The following ATXN7L1 variants were observed in gnomAD, a reference collection of about 807,000 sequenced individuals.
ATXN7L1 encodes the protein ataxin-7-like protein 1.
In ATXN7L1, 15 loss-of-function variants were observed where a neutral mutation model predicts 70.8. That is an observed-to-expected ratio of 0.21 (90% CI 0.14 to 0.33). The LOEUF (loss-of-function observed/expected upper bound fraction) is 0.33. Ranked by LOEUF, ATXN7L1 falls within the 10% of genes least tolerant of loss-of-function variation. ATXN7L1 has a pLI of 1.00. For missense variants in ATXN7L1, 975 were observed against 1,097.1 expected, an observed-to-expected ratio of 0.89 and a Z score of 1.57; for synonymous variants, 440 against 445.1, an observed-to-expected ratio of 0.99 and a Z score of 0.14.
chr7:105,873,780 A>G (rs1818623716), intron 2 of ATXN7L1, among the ~76,000 whole-genome samples: 1 of 152,182 alleles, frequency 6.6e-6, no homozygotes, highest in Non-Finnish European at 1.5e-5. Flanking sequence ...AATAAGCGGG[A>G]TGTACCACCT....
chr7:105,714,221 G>T (rs770545025), intron 3 of ATXN7L1, among the ~76,000 whole-genome samples: 2 of 152,190 alleles, frequency 1.3e-5, no homozygotes, highest in African/African-American at 2.4e-5. Context: ...CTATACAACT[G>T]AACCTTCATT....
At chr7:105,811,080 C>A (rs1345065392) in intron 2 of ATXN7L1, among the ~76,000 whole-genome samples, 1 of 152,154 alleles carries the variant, frequency 6.6e-6, no homozygotes, top group African/African-American at 2.4e-5. Context: ...GAAGTCCTAT[C>A]CCCAATACTT....
At chr7:105,734,138 G>A (rs1033562119) in intron 3 of ATXN7L1, among the ~76,000 whole-genome samples, 2 of 152,202 alleles carry the variant, frequency 1.3e-5, no homozygotes, top group African/African-American at 4.8e-5. Context: ...TAAATTCTGA[G>A]TATTAGTTTC....
intron 3 of ATXN7L1, among the ~76,000 whole-genome samples, chr7:105,677,051 C>T (rs1804786947): frequency 6.6e-6 from 1 of 152,218 alleles, no homozygotes; most frequent in African/African-American, 2.4e-5. Flanking sequence ...GAGGGAGGAT[C>T]CTGGCTGCAG....
chr7:105,855,704 T>C (rs983334142), intron 2 of ATXN7L1, among the ~76,000 whole-genome samples: 1 of 152,214 alleles, frequency 6.6e-6, no homozygotes, highest in Admixed American at 6.5e-5. Context: ...TCAACTTAAT[T>C]GCAGATCAAA....
intron 3 of ATXN7L1, among the ~76,000 whole-genome samples, chr7:105,744,630 C>A (rs1798367960): frequency 6.6e-6 from 1 of 151,960 alleles, no homozygotes; most frequent in Admixed American, 6.6e-5. Context: ...TAAACCAAAT[C>A]CAAGACTTGT....
At chr7:105,863,135 T>C (rs1179752296) in intron 2 of ATXN7L1, among the ~76,000 whole-genome samples, 1 of 152,116 alleles carries the variant, frequency 6.6e-6, no homozygotes, top group African/African-American at 2.4e-5. Context: ...TAGAAGATGT[T>C]CAAAAGGAGG....
intron 2 of ATXN7L1, among the ~76,000 whole-genome samples, chr7:105,807,612 C>A (rs933900819): frequency 6.6e-6 from 1 of 152,228 alleles, no homozygotes; most frequent in African/African-American, 2.4e-5. Flanking sequence ...GCAACTGTGA[C>A]AGACACTTAT....
In ATXN7L1 at chr7:105,607,511, G is replaced by A. The variant is rs1193170323; in HGVS notation, c.*341C>T. ...CAACCTGGAACCAACATTCTGCAAT[G>A]TCTGCTCTCATGGCTGGAGCAAAAG... On this transcript the variant is annotated 3_prime_UTR_variant, in exon 12 of 12. Coordinates refer to ENST00000419735, the MANE Select transcript of ATXN7L1 (RefSeq NM_020725.2). 1.6e-5 allele frequency: 5 copies of A among 304,612 alleles called. No homozygotes were observed. Among genetic ancestry groups the A allele is most frequent in the Admixed American group, 4.5e-5 (1 of 22,444 alleles). 18.9% of individuals were successfully genotyped at this position (304,612 alleles called of 1,614,324 possible).
chr7:105,842,594 A>G (rs867378155), intron 2 of ATXN7L1, among the ~76,000 whole-genome samples: 1 of 152,056 alleles, frequency 6.6e-6, no homozygotes, highest in South Asian at 2.1e-4. Context: ...ACTACATTCT[A>G]TTTATCCATT....
intron 2 of ATXN7L1, among the ~76,000 whole-genome samples, chr7:105,803,764 A>C (rs1807165093): frequency 6.6e-6 from 1 of 152,166 alleles, no homozygotes; most frequent in African/African-American, 2.4e-5. Context: ...ACTGGCCTAG[A>C]CTTCCCTAAT....
intron 3 of ATXN7L1, among the ~76,000 whole-genome samples, chr7:105,674,309 C>T (rs2116122873): frequency 6.6e-6 from 1 of 152,322 alleles, no homozygotes; most frequent in East Asian, 1.9e-4. Context: ...TCACCCCATG[C>T]ACATTCATTC....
chr7:105,836,723 T>G (rs574538059), intron 2 of ATXN7L1, among the ~76,000 whole-genome samples: 1 of 152,224 alleles, frequency 6.6e-6, no homozygotes, highest in Admixed American at 6.5e-5. Flanking sequence ...TAGGCTGTTC[T>G]TGCACTGCTA....
In ATXN7L1 at chr7:105,769,050, T is replaced by C. The variant is rs550230612; in HGVS notation, c.355+19554A>G. ...GTCCCAGCTCTGCCCCTATCACTTGTGTGGCCTCAGGCAAATCACTGAATT... is the reference window on the plus strand; with the variant it reads ...GTCCCAGCTCTGCCCCTATCACTTGCGTGGCCTCAGGCAAATCACTGAATT... On this transcript the variant is annotated intron_variant, in intron 3 of 11. Transcript: ENST00000419735. Among the ~76,000 whole-genome samples, 9 of 152,346 alleles carry C rather than the reference T, an allele frequency of 5.9e-5. 1 individual carries two copies. The highest frequency in any genetic ancestry group is 2.2e-4 in the African/African-American group (9 of 41,584).
intron 3 of ATXN7L1, among the ~76,000 whole-genome samples, chr7:105,744,362 C>T (rs1465544097): frequency 6.6e-6 from 1 of 152,116 alleles, no homozygotes; most frequent in Non-Finnish European, 1.5e-5. Context: ...GAGAGAGTCC[C>T]TTATCTTGCC....
chr7:105,632,480 A>C (rs921256296), intron 7 of ATXN7L1, among the ~76,000 whole-genome samples: 2 of 152,256 alleles, frequency 1.3e-5, no homozygotes, highest in African/African-American at 4.8e-5. Context: ...ACATCCAATT[A>C]ATAAAAAGTC....
intron 3 of ATXN7L1, among the ~76,000 whole-genome samples, chr7:105,696,528 A>T (rs939321346): frequency 6.6e-6 from 1 of 152,222 alleles, no homozygotes; most frequent in East Asian, 1.9e-4. Context: ...AAGCATTGGC[A>T]TAATAAGGAA....
chr7:105,649,818 T>G (rs1799588303), intron 4 of ATXN7L1, among the ~76,000 whole-genome samples: 1 of 152,244 alleles, frequency 6.6e-6, no homozygotes, highest in Non-Finnish European at 1.5e-5. Flanking sequence ...ATATGGTATT[T>G]GTGCTGTGGG....
At chr7:105,618,622 G>A (rs1706895) in intron 9 of ATXN7L1, among the ~76,000 whole-genome samples, 147,058 of 152,138 alleles carry the variant, frequency 0.97, 71,273 homozygotes, top group East Asian at 1. Context: ...GTTCCCTCCC[G>A]TTTCTTAGGA....
Sources: gnomAD v4.1 joint callset for allele counts (sites outside exome capture counted in the v4.1 genomes callset) on GRCh38, gnomAD v4.1.1 for gene constraint, MANE v1.5 for transcripts, NCBI Gene and HGNC (gene_info 2026-07-23, HGNC 2026-07-21) for gene names.